ATP2B2: variants seen among roughly 807,000 people sequenced by gnomAD.
ATP2B2 encodes the protein plasma membrane calcium-transporting ATPase 2.
ATP2B2 carries 15 observed loss-of-function variants against 120.0 expected under a neutral mutation model. The ratio of observed to expected loss-of-function variants is 0.12; its 90% confidence interval spans 0.08 to 0.19. The LOEUF is 0.19. Ranked by LOEUF, ATP2B2 falls within the 10% of genes least tolerant of loss-of-function variation. The probability of loss-of-function intolerance (pLI) is 1.00; values close to 1 mark genes in which losing one functional copy is unlikely to be tolerated. For synonymous variants in ATP2B2, 694 were observed against 700.3 expected (o/e 0.99, Z 0.14); for missense variants, 1,045 against 1,719.8 (o/e 0.61, Z 6.94).
At chr3:10,414,379 C>G (rs912806358) in intron 2 of ATP2B2, among the ~76,000 whole-genome samples, 3 of 152,164 alleles carry the variant, frequency 2.0e-5, no homozygotes, top group Non-Finnish European at 2.9e-5. Context: ...AGTCCCAGGA[C>G]AGCAGACAGA....
At chr3:10,542,370 A>G (rs1393141235) in intron 2 of ATP2B2, among the ~76,000 whole-genome samples, 4 of 152,252 alleles carry the variant, frequency 2.6e-5, no homozygotes. Context: ...GTTGTCAAAC[A>G]TAATTTAGAA....
chr3:10,411,265 C>T (rs1575152048), intron 2 of ATP2B2, among the ~76,000 whole-genome samples: 1 of 152,136 alleles, frequency 6.6e-6, no homozygotes, highest in South Asian at 2.1e-4. Context: ...TCTGGGGGCA[C>T]CAGACGCTGG....
In ATP2B2 at chr3:10,345,375, C is replaced by A. The variant is rs241509; in HGVS notation, c.2703+9G>T. On this transcript the variant is annotated intron_variant, in intron 18 of 22. Transcript: ENST00000360273. ...CCCCAGGCTTTGGTGTGGTCTCCTGCGGACCCACCTGCGTGATGCAGGCGC... is the reference window on the plus strand; with the variant it reads ...CCCCAGGCTTTGGTGTGGTCTCCTGAGGACCCACCTGCGTGATGCAGGCGC... The A allele has an allele frequency of 0.43, 699,622 of 1,613,588 alleles. 156,882 individuals carry two copies. The highest frequency in any genetic ancestry group is 0.56 in the Admixed American group (33,768 of 60,002).
At chr3:10,703,120 C>G (rs1013182142) in intron 1 of ATP2B2, among the ~76,000 whole-genome samples, 11 of 152,196 alleles carry the variant, frequency 7.2e-5, no homozygotes, top group African/African-American at 2.7e-4. Flanking sequence ...TCAAAGGTCT[C>G]TCCCCTGGAG....
At chr3:10,647,907 G>C (rs910834485) in intron 1 of ATP2B2, among the ~76,000 whole-genome samples, 2 of 152,176 alleles carry the variant, frequency 1.3e-5, no homozygotes, top group African/African-American at 4.8e-5. Context: ...AAAAGGTGAA[G>C]GGAAGAGGAT....
At chr3:10,471,250 C>T (rs781264028) in intron 1 of ATP2B2, among the ~76,000 whole-genome samples, 1 of 152,208 alleles carries the variant, frequency 6.6e-6, no homozygotes, top group Non-Finnish European at 1.5e-5. Flanking sequence ...GAGACCCCCT[C>T]CCTGCCATTA....
chr3:10,533,261 T>G lies in ATP2B2; in HGVS notation c.-320+778A>C, dbSNP rs78447192. Among the ~76,000 whole-genome samples the G allele has an allele frequency of 4.8e-3, 732 of 152,262 alleles. 9 individuals carry two copies. The highest frequency in any genetic ancestry group is 0.017 in the African/African-American group (708 of 41,540). ...TGCTGTATATGCTGGCTCTGGAAGGTTGAGTGGTGTTCTGGCCTCAGAGAG... is the reference window on the plus strand; with the variant it reads ...TGCTGTATATGCTGGCTCTGGAAGGGTGAGTGGTGTTCTGGCCTCAGAGAG... On this transcript the variant is annotated intron_variant, in intron 3 of 21. Coordinates refer to the ATP2B2 transcript ENST00000646379.
intron 2 of ATP2B2, among the ~76,000 whole-genome samples, chr3:10,578,057 T>G (rs986008054): frequency 5.9e-5 from 9 of 152,154 alleles, no homozygotes; most frequent in African/African-American, 2.2e-4. Flanking sequence ...AGGCCCTAGA[T>G]TCCAGGGCAA....
intron 1 of ATP2B2, among the ~76,000 whole-genome samples, chr3:10,701,043 A>G (rs1489772437): frequency 6.6e-6 from 1 of 152,244 alleles, no homozygotes; most frequent in Non-Finnish European, 1.5e-5. Flanking sequence ...AGAGTAAGGA[A>G]CTGGAGATAT....
chr3:10,340,253 C>T lies in ATP2B2; in HGVS notation c.3226G>A (p.Val1076Ile), dbSNP rs149035567. The change falls in exon 21 of 23, where the codon GTT (valine) becomes ATT (isoleucine). Residue 1076 changes from valine (V) to isoleucine (I), a missense_variant. Physicochemically the swap from Val to Ile is conservative, Grantham distance 29. Coordinates refer to ENST00000360273, the MANE Select transcript of ATP2B2 (RefSeq NM_001001331.4). This position sits in a 1 kb window ranked among gnomAD's most constrained non-coding sequence, Gnocchi z 5.0. ...WCIFIGLGELVWGQVIATIPT... is the reference protein window; with the variant it reads ...WCIFIGLGELIWGQVIATIPT... Reference sequence around the variant, plus strand: ...TACCAGGAACTTACCTGGCCCCAAACGAGCTCTCCTAACCCAATGAATATG... The same window carrying T: ...TACCAGGAACTTACCTGGCCCCAAATGAGCTCTCCTAACCCAATGAATATG... The T allele has an allele frequency of 1.2e-5, 20 of 1,614,042 alleles. No homozygotes were observed. Among genetic ancestry groups the T allele is most frequent in the Middle Eastern group, 1.6e-4 (1 of 6,078 alleles).
intron 1 of ATP2B2, among the ~76,000 whole-genome samples, chr3:10,489,550 A>G (rs927349557): frequency 2.6e-5 from 4 of 152,088 alleles, no homozygotes; most frequent in African/African-American, 7.2e-5. Context: ...GATGGGATTC[A>G]TGGTTTTTTC....
chr3:10,642,842 C>G (rs923168011), intron 1 of ATP2B2, among the ~76,000 whole-genome samples: 3 of 152,150 alleles, frequency 2.0e-5, no homozygotes, highest in Non-Finnish European at 2.9e-5. Context: ...CAGCCCTGAG[C>G]TCAGCACCCC....
intron 2 of ATP2B2, among the ~76,000 whole-genome samples, chr3:10,593,102 T>C (rs904047135): frequency 2.6e-5 from 4 of 152,234 alleles, no homozygotes; most frequent in Non-Finnish European, 4.4e-5. Flanking sequence ...CTATCTCTTC[T>C]AATGGGTCTC....
chr3:10,502,436 A>T (rs60554516), intron 1 of ATP2B2, among the ~76,000 whole-genome samples: 2 of 152,176 alleles, frequency 1.3e-5, no homozygotes, highest in Non-Finnish European at 2.9e-5. Flanking sequence ...TTCCACCCAC[A>T]GTCAAACACC....
chr3:10,624,653 A>G (rs1428753352), intron 1 of ATP2B2, among the ~76,000 whole-genome samples: 2 of 152,208 alleles, frequency 1.3e-5, no homozygotes, highest in African/African-American at 4.8e-5. Flanking sequence ...GGCTTTCCTG[A>G]CCCTGCTTGT....
chr3:10,540,895 G>A (rs2067424604), intron 2 of ATP2B2, among the ~76,000 whole-genome samples: 1 of 151,268 alleles, frequency 6.6e-6, no homozygotes, highest in Non-Finnish European at 1.5e-5. Flanking sequence ...CTGGTCCTGG[G>A]GATTTTTTTT....
intron 1 of ATP2B2, 125 bp downstream of exon 1, chr3:10,505,340 A>G (rs2066581878): frequency 6.6e-6 from 1 of 151,878 alleles, no homozygotes; most frequent in Admixed American, 6.6e-5. Flanking sequence ...CACCGCCACC[A>G]CCATCAGCAC....
intron 2 of ATP2B2, among the ~76,000 whole-genome samples, chr3:10,586,738 T>C (rs1179507638): frequency 6.6e-6 from 1 of 152,158 alleles, no homozygotes; most frequent in African/African-American, 2.4e-5. Flanking sequence ...TCTGGATGGA[T>C]TGCATTTCCA....
At chr3:10,353,376 G>A (rs2060629554) in intron 14 of ATP2B2, among the ~76,000 whole-genome samples, 1 of 152,212 alleles carries the variant, frequency 6.6e-6, no homozygotes, top group South Asian at 2.1e-4. Context: ...TGAGGCTCTG[G>A]TTCCTGGCAT....
Sources: allele counts gnomAD v4.1 joint callset (sites outside exome capture counted in the v4.1 genomes callset), GRCh38; gene constraint gnomAD v4.1.1; non-coding constraint Gnocchi (gnomAD v3.1); transcripts MANE v1.5; gene names NCBI Gene and HGNC (gene_info 2026-07-23, HGNC 2026-07-21).